PTPRN2: variants seen among roughly 807,000 people sequenced by gnomAD.
PTPRN2 encodes protein tyrosine phosphatase receptor type N2, also known as receptor-type tyrosine-protein phosphatase N2.
A neutral mutation model predicts 118.8 loss-of-function variants in PTPRN2; 74 were observed. The ratio of observed to expected loss-of-function variants is 0.62; its 90% CI spans 0.52 to 0.76. The LOEUF (loss-of-function observed/expected upper bound fraction) is 0.76. Ranked by LOEUF, PTPRN2 falls within the 30% of genes least tolerant of loss-of-function variation. PTPRN2 has a pLI of 0.00. For missense variants in PTPRN2, 1,481 were observed against 1,394.4 expected (o/e 1.06, Z -0.99); for synonymous variants, 641 against 608.0 (o/e 1.05, Z -0.80).
intron 22 of PTPRN2, among the ~76,000 whole-genome samples, chr7:157,548,549 G>C (rs1798436056): frequency 6.6e-6 from 1 of 152,230 alleles, no homozygotes; most frequent in Non-Finnish European, 1.5e-5. Context: ...TGCCCTGGGG[G>C]CCTCCACAAA....
At chr7:158,007,658 T>C (rs1407703569) in intron 11 of PTPRN2, among the ~76,000 whole-genome samples, 1 of 152,176 alleles carries the variant, frequency 6.6e-6, no homozygotes, top group Non-Finnish European at 1.5e-5. Flanking sequence ...GAAAGAAAAG[T>C]ATCACAGTCA....
intron 3 of PTPRN2, among the ~76,000 whole-genome samples, chr7:158,262,600 TCA>T (rs1026238621): frequency 2.9e-4 from 35 of 119,050 alleles, no homozygotes; most frequent in East Asian, 5.4e-4. Flanking sequence ...TCACACACAT[TCA>T]CACACACTGC....
intron 14 of PTPRN2, among the ~76,000 whole-genome samples, chr7:157,642,485 C>A (rs1804731408): frequency 6.6e-6 from 1 of 152,156 alleles, no homozygotes; most frequent in African/African-American, 2.4e-5. Context: ...CTGGACAGAC[C>A]AGATGGAGGC....
rs575865892 is a variant in PTPRN2 at position 158,382,723 on chromosome 7, GC to G, written c.164-65792del. The stretch of plus-strand genomic sequence containing the variant: ...TGCACACTCTGTACGAGAATCTAAT[GC>G]CTCATGATCCAAGGTGGAGCTGAGG... On this transcript the variant is annotated intron_variant, in intron 2 of 22. Transcript: ENST00000389418. Among the ~76,000 whole-genome samples, 540 of 152,322 alleles carry G rather than the reference GC, an allele frequency of 3.5e-3. 5 individuals carry two copies. The highest frequency in any genetic ancestry group is 0.012 in the African/African-American group (517 of 41,564).
intron 13 of PTPRN2, among the ~76,000 whole-genome samples, chr7:157,661,456 C>CT (rs1327254563): frequency 1.3e-4 from 20 of 151,986 alleles, no homozygotes; most frequent in African/African-American, 4.8e-4. Flanking sequence ...TCCCTGCGGG[C>CT]TTCCGCCTGG....
At chr7:157,811,416 G>A (rs1265963521) in intron 12 of PTPRN2, among the ~76,000 whole-genome samples, 1 of 149,912 alleles carries the variant, frequency 6.7e-6, no homozygotes, top group Admixed American at 6.7e-5. Flanking sequence ...TCCACGTGAA[G>A]TAGATGCGTC....
intron 19 of PTPRN2, 71 bp downstream of exon 19, chr7:157,576,542 G>A (rs1020343598): frequency 9.3e-6 from 13 of 1,403,634 alleles, no homozygotes; most frequent in Non-Finnish European, 1.0e-5. Flanking sequence ...CGTCTCAGGA[G>A]CACCGAAGCC....
Position 158,205,228 on chromosome 7 carries a change from TC to T in PTPRN2, c.322del (p.Glu108AsnfsTer10). The T allele has an allele frequency of 6.2e-7, 1 of 1,614,112 alleles. No individual in the cohort carries two copies. Among genetic ancestry groups the T allele is most frequent in the Non-Finnish European group, 8.5e-7 (1 of 1,180,014 alleles). On this transcript the variant is annotated frameshift_variant, in exon 4 of 23. Coordinates refer to ENST00000389418, the MANE Select transcript of PTPRN2 (RefSeq NM_002847.5). LOFTEE classifies it high-confidence loss of function. ...GTAGGTTTTCGGGAGGTCTGCAAGT[TC>T]CTGGTCCATCACATACTGAGTATAG... ...DDYTQYVMDQ[E>X]LADLPKTYLR...
intron 12 of PTPRN2, among the ~76,000 whole-genome samples, chr7:157,684,719 C>T (rs1473789525): frequency 6.6e-6 from 1 of 151,970 alleles, no homozygotes; most frequent in Non-Finnish European, 1.5e-5. Context: ...CGCCCCTCCC[C>T]GCCCCTCCCC....
chr7:158,048,602 T>C (rs993675900), intron 11 of PTPRN2, among the ~76,000 whole-genome samples: 6 of 112,540 alleles, frequency 5.3e-5, no homozygotes, highest in Admixed American at 1.8e-4. Context: ...ATCACTATCA[T>C]CATCAATCAC....
intron 11 of PTPRN2, among the ~76,000 whole-genome samples, chr7:157,912,205 C>T (rs1011591977): frequency 6.6e-6 from 1 of 152,222 alleles, no homozygotes; most frequent in African/African-American, 2.4e-5. Context: ...AAGCTTTAAA[C>T]ACTTTGCCGA....
chr7:158,305,518 G>A (rs1175280914), intron 3 of PTPRN2, among the ~76,000 whole-genome samples: 1 of 152,098 alleles, frequency 6.6e-6, no homozygotes, highest in East Asian at 1.9e-4. Flanking sequence ...AACTAGACAA[G>A]GAAATCAACA....
intron 3 of PTPRN2, among the ~76,000 whole-genome samples, chr7:158,311,997 G>GCA: frequency 6.8e-6 from 1 of 146,964 alleles, no homozygotes; most frequent in African/African-American, 2.5e-5. Flanking sequence ...CCACACACAT[G>GCA]CACACACACC....
rs1234234379 is a variant in PTPRN2 at position 157,656,960 on chromosome 7, CA to C, written c.2002-410del. ...ACACCACACACATCACACATATACA[CA>C]CACATACACCACACACACCACACAC... On this transcript the variant is annotated intron_variant, in intron 13 of 22. Coordinates refer to ENST00000389418, the MANE Select transcript of PTPRN2 (RefSeq NM_002847.5). Among the ~76,000 whole-genome samples the C allele has an allele frequency of 3.5e-4, 51 of 147,476 alleles. 1 individual carries two copies. Among genetic ancestry groups the C allele is most frequent in the Non-Finnish European group, 6.7e-4 (45 of 66,946 alleles).
At chr7:158,143,112 C>T (rs1251111379) in intron 6 of PTPRN2, among the ~76,000 whole-genome samples, 4 of 152,176 alleles carry the variant, frequency 2.6e-5, no homozygotes, top group African/African-American at 4.8e-5. Context: ...ATTATCATCG[C>T]GACAGTCTTA....
chr7:158,048,284 A>G (rs1451213869), intron 11 of PTPRN2, among the ~76,000 whole-genome samples: 1 of 152,144 alleles, frequency 6.6e-6, no homozygotes, highest in Non-Finnish European at 1.5e-5. Flanking sequence ...CTTACAGACC[A>G]TGTAGAAACA....
intron 10 of PTPRN2, among the ~76,000 whole-genome samples, chr7:158,101,609 T>A (rs976808584): frequency 1.3e-5 from 2 of 152,098 alleles, no homozygotes; most frequent in Admixed American, 1.3e-4. Context: ...GCCCAAACAA[T>A]CCCACTGTAT....
At chr7:158,321,149 A>G (rs769472468) in intron 2 of PTPRN2, among the ~76,000 whole-genome samples, 3 of 152,112 alleles carry the variant, frequency 2.0e-5, no homozygotes, top group African/African-American at 4.8e-5. Flanking sequence ...TGCCGGAGCC[A>G]GAGAACCAAA....
rs148702163 is a variant in PTPRN2, at chr7:158,197,490, A to T, written c.381-4995T>A. Among the ~76,000 whole-genome samples the T allele has an allele frequency of 3.0e-3, 464 of 152,150 alleles. 4 individuals are homozygous for T. Among genetic ancestry groups the T allele is most frequent in the African/African-American group, 0.01 (433 of 41,512 alleles). On this transcript the variant is annotated intron_variant, in intron 4 of 22. Transcript: ENST00000389418. ...TGTGTGATACCTGCATGGGGCTTAT[A>T]AAAAAAATCCCATTTTTGCTTGATT...
Sources: gnomAD v4.1 joint callset for allele counts (sites outside exome capture counted in the v4.1 genomes callset) on GRCh38, gnomAD v4.1.1 for gene constraint, MANE v1.5 for transcripts, NCBI Gene and HGNC (gene_info 2026-07-23, HGNC 2026-07-21) for gene names.